ABCA13: variants seen among roughly 807,000 people sequenced by gnomAD.
ABCA13 encodes the protein ATP-binding cassette sub-family A member 13.
ABCA13 carries 476 observed loss-of-function variants against 478.7 expected under a neutral mutation model. The ratio of observed to expected loss-of-function variants is 0.99; its 90% CI spans 0.92 to 1.07. The LOEUF (loss-of-function observed/expected upper bound fraction) is 1.07, where lower values mean the gene tolerates loss of function less well. Among genes scored for constraint, ABCA13 ranks in the 50% least tolerant of loss-of-function variants. The probability of loss-of-function intolerance (pLI) is 0.00; values close to 1 mark genes in which losing one functional copy is unlikely to be tolerated. For synonymous variants in ABCA13, 2,252 were observed against 2,158.9 expected (o/e 1.04, Z -1.20); for missense variants, 6,060 against 5,910.6 (o/e 1.03, Z -0.83).
intron 50 of ABCA13, among the ~76,000 whole-genome samples, chr7:48,509,792 G>A (rs908645532): frequency 7.9e-5 from 12 of 152,192 alleles, no homozygotes; most frequent in Admixed American, 7.2e-4. Context: ...CCAGTGTGAT[G>A]GTATTTGGAT....
At chr7:48,202,870 G>A (rs1798989841) in intron 3 of ABCA13, among the ~76,000 whole-genome samples, 1 of 152,244 alleles carries the variant, frequency 6.6e-6, no homozygotes, top group Non-Finnish European at 1.5e-5. Context: ...CCGCACCAGG[G>A]CTGCAGGTGG....
At chr7:48,333,471 T>C (rs938849240) in intron 27 of ABCA13, among the ~76,000 whole-genome samples, 2 of 152,208 alleles carry the variant, frequency 1.3e-5, no homozygotes, top group Non-Finnish European at 2.9e-5. Flanking sequence ...CTTTTCTTAA[T>C]TCTAGTTGTC....
intron 38 of ABCA13, among the ~76,000 whole-genome samples, chr7:48,395,364 A>G (rs1286221434): frequency 6.6e-6 from 1 of 152,168 alleles, no homozygotes; most frequent in Non-Finnish European, 1.5e-5. Flanking sequence ...TGCAGACCCA[A>G]TGGGGAATAA....
In ABCA13 at chr7:48,550,683, A is replaced by C. The variant is rs149010714; in HGVS notation, c.14354+22338A>C. On this transcript the variant is annotated intron_variant, in intron 55 of 61. Coordinates refer to ENST00000435803, the MANE Select transcript of ABCA13 (RefSeq NM_152701.5). ...ATACTGTGAATCCATCTATTTATCT[A>C]TCTACGTACCTACATACCTATCTAT... 2.0e-5 allele frequency among the ~76,000 whole-genome samples: 3 copies of C among 151,524 alleles called. No individual in the cohort carries two copies. The Admixed American group carries it at 2.0e-4, about 10-fold the overall frequency.
chr7:48,231,025 G>A (rs550505394), intron 7 of ABCA13, among the ~76,000 whole-genome samples: 5 of 152,094 alleles, frequency 3.3e-5, no homozygotes, highest in Non-Finnish European at 7.4e-5. Flanking sequence ...GGAGAGGGGA[G>A]GGAGAGCATT....
At chr7:48,333,592 A>C (rs1027074021) in intron 27 of ABCA13, among the ~76,000 whole-genome samples, 1 of 152,164 alleles carries the variant, frequency 6.6e-6, no homozygotes, top group Non-Finnish European at 1.5e-5. Context: ...TTTTGTGGGT[A>C]GTCATTCTAC....
chr7:48,365,988 G>GA (rs1432652936), intron 31 of ABCA13, among the ~76,000 whole-genome samples: 1 of 151,784 alleles, frequency 6.6e-6, no homozygotes, highest in Non-Finnish European at 1.5e-5. Context: ...CACAGAAATA[G>GA]AAAAAAATCC....
intron 7 of ABCA13, among the ~76,000 whole-genome samples, chr7:48,231,169 A>G (rs1425084808): frequency 7.2e-6 from 1 of 139,752 alleles, no homozygotes; most frequent in Non-Finnish European, 1.5e-5. Flanking sequence ...ACTTAAAGTT[A>G]AAAAAAAAAA....
At chr7:48,379,946 A>T (rs867005006) in intron 35 of ABCA13, among the ~76,000 whole-genome samples, 1 of 152,202 alleles carries the variant, frequency 6.6e-6, no homozygotes, top group African/African-American at 2.4e-5. Flanking sequence ...CAGTTTCTCC[A>T]TTCAGCCTCC....
At position 48,275,997 on chromosome 7, in the gene ABCA13, C is replaced by A; in HGVS notation, c.6331C>A (p.Pro2111Thr). 6.2e-7 allele frequency: 1 copy of A among 1,612,984 alleles called. No homozygotes were observed. Among genetic ancestry groups the A allele is most frequent in the African/African-American group, 1.3e-5 (1 of 75,034 alleles). ...FAHFLEILDS[P>T]SLKTLEIIED... ...CCATTTCCTGGAAATCCTGGATTCA[C>A]CGTCATTGAAGACATTAGAAATTAT... The change falls in exon 17 of 62, where the codon CCG becomes ACG. Residue 2111 changes from proline to threonine, a missense_variant. Pro to Thr is a conservative substitution (Grantham distance 38). Around this residue, in one of 3 missense-constraint regions of ABCA13, gnomAD observed 4,423 missense variants for 4,309.1 expected, o/e 1.03. Transcript: ENST00000435803.
At chr7:48,214,473 C>T (rs1786141067) in intron 3 of ABCA13, among the ~76,000 whole-genome samples, 1 of 152,184 alleles carries the variant, frequency 6.6e-6, no homozygotes, top group Non-Finnish European at 1.5e-5. Context: ...CTTCTCCTCT[C>T]CGGTTAATGA....
Position 48,466,947 on chromosome 7 carries a change from G to A in ABCA13, c.12816-9G>A. The stretch of plus-strand genomic sequence containing the variant: ...CACTTTGTTTCCTTTGTCTCACAAT[G>A]AACAGCAGCAGTGGGGGCGACAACT... On this transcript the variant is annotated splice_polypyrimidine_tract_variant and intron_variant, in intron 43 of 61. Transcript: ENST00000435803. 2 of 1,613,830 alleles carry A rather than the reference G, an allele frequency of 1.2e-6. No homozygotes were observed. Among genetic ancestry groups the A allele is most frequent in the Middle Eastern group, 3.3e-4 (2 of 6,038 alleles).
intron 34 of ABCA13, among the ~76,000 whole-genome samples, chr7:48,375,624 G>A (rs1031467306): frequency 1.3e-5 from 2 of 151,832 alleles, no homozygotes; most frequent in Non-Finnish European, 1.5e-5. Flanking sequence ...TTGGGGGGGG[G>A]TGTTTTTGTA....
At chr7:48,384,028 G>A (rs1487714760) in intron 35 of ABCA13, among the ~76,000 whole-genome samples, 1 of 152,120 alleles carries the variant, frequency 6.6e-6, no homozygotes, top group Non-Finnish European at 1.5e-5. Context: ...TCAGATGTGT[G>A]TCCCCACTTT....
chr7:48,647,028 C>T lies in ABCA13; in HGVS notation c.*1516C>T, dbSNP rs1370217292. 1 of 152,134 alleles carries T rather than the reference C, an allele frequency of 6.6e-6. No individual in the cohort carries two copies. The highest frequency in any genetic ancestry group is 1.5e-5 in the Non-Finnish European group (1 of 68,016). The allele number at this position is 152,134 out of a possible 1,614,324, so 9.4% of individuals were successfully genotyped here. ...CCAGTCAGACATTTCTGAGTTCAGA[C>T]ATTTCTCAACATTCTTTTAACAACA... is the stretch of plus-strand genomic sequence containing the variant. On this transcript the variant is annotated 3_prime_UTR_variant, in exon 62 of 62. Transcript: ENST00000435803.
At chr7:48,230,487 A>C (rs113092751) in intron 7 of ABCA13, among the ~76,000 whole-genome samples, 274 of 152,128 alleles carry the variant, frequency 1.8e-3, no homozygotes, top group African/African-American at 6.2e-3. Context: ...TTTTACTTTT[A>C]ATTCCCTTCT....
At chr7:48,620,058 G>T (rs2131588024) in intron 59 of ABCA13, among the ~76,000 whole-genome samples, 1 of 152,276 alleles carries the variant, frequency 6.6e-6, no homozygotes, top group African/African-American at 2.4e-5. Context: ...GCGGGCCTAG[G>T]CTAACCAGAA....
At chr7:48,383,701 A>G (rs1404243313) in intron 35 of ABCA13, among the ~76,000 whole-genome samples, 1 of 152,250 alleles carries the variant, frequency 6.6e-6, no homozygotes, top group East Asian at 1.9e-4. Context: ...ATAGAGAAGC[A>G]GGAAAAATTT....
intron 59 of ABCA13, among the ~76,000 whole-genome samples, chr7:48,619,740 GAC>G (rs1401184790): frequency 1.3e-5 from 2 of 152,258 alleles, no homozygotes; most frequent in Non-Finnish European, 2.9e-5. Context: ...GAAGGAGGAA[GAC>G]ACATCCAGTT....
Sources: allele counts gnomAD v4.1 joint callset (sites outside exome capture counted in the v4.1 genomes callset), GRCh38; gene constraint gnomAD v4.1.1; regional missense constraint gnomAD v4.1.1; transcripts MANE v1.5; gene names NCBI Gene and HGNC (gene_info 2026-07-23, HGNC 2026-07-21).